CLASP1: variants seen among roughly 807,000 people sequenced by gnomAD.
CLASP1 encodes CLIP-associating protein 1.
CLASP1 carries 38 observed loss-of-function variants against 192.3 expected under a neutral mutation model. The ratio of observed to expected loss-of-function variants is 0.20; its 90% confidence interval spans 0.15 to 0.26. The LOEUF is 0.26. Ranked by LOEUF, CLASP1 falls within the 10% of genes least tolerant of loss-of-function variation. The pLI, the probability that CLASP1 is intolerant of heterozygous loss-of-function variation, is 1.00. For missense variants in CLASP1, 1,433 were observed against 1,932.5 expected, an observed-to-expected ratio of 0.74 and a Z score of 4.85; for synonymous variants, 691 against 712.8, an observed-to-expected ratio of 0.97 and a Z score of 0.49.
In CLASP1 at chr2:121,365,443, G is replaced by A. The variant is rs556745501; in HGVS notation, c.3887-159C>T. ...CACCCTCCGCCCTGCTTCGCTGTCC[G>A]GCCTCAGCCTACACACCCTCCACCA... On this transcript the variant is annotated intron_variant, in intron 35 of 39. Coordinates refer to ENST00000263710, the Ensembl canonical transcript of CLASP1. Among the ~76,000 whole-genome samples, 4 of 152,172 alleles carry A rather than the reference G, an allele frequency of 2.6e-5. 1 individual carries two copies. Among genetic ancestry groups the A allele is most frequent in the East Asian group, 1.9e-4 (1 of 5,172 alleles).
intron 36 of CLASP1, among the ~76,000 whole-genome samples, 166 bp from the exon 38 acceptor site, chr2:121,363,466 C>T (rs2066791298): frequency 6.6e-6 from 1 of 152,172 alleles, no homozygotes; most frequent in African/African-American, 2.4e-5. Context: ...CTTTACTTGA[C>T]ACTGGCTCTC....
chr2:121,470,153 A>G, intron 8 of CLASP1, 193 bp from the exon 9 acceptor site: 3 of 654,542 alleles, frequency 4.6e-6, no homozygotes, highest in Non-Finnish European at 8.2e-6. Context: ...CAAAGATCAT[A>G]CTTGCTTTCA....
chr2:121,608,749 A>G (rs1449244848), intron 1 of CLASP1, among the ~76,000 whole-genome samples: 1 of 152,204 alleles, frequency 6.6e-6, no homozygotes, highest in Non-Finnish European at 1.5e-5. Context: ...TTACAGAGCA[A>G]TAGATAACTG....
intron 9 of CLASP1, among the ~76,000 whole-genome samples, chr2:121,469,114 A>G (rs573665248): frequency 3.2e-4 from 48 of 152,250 alleles, no homozygotes; most frequent in Non-Finnish European, 5.6e-4. Flanking sequence ...AGCTTTCTAC[A>G]GATTGTCTTT....
chr2:121,519,149 T>C (rs2094399010), intron 6 of CLASP1, among the ~76,000 whole-genome samples: 1 of 152,240 alleles, frequency 6.6e-6, no homozygotes, highest in African/African-American at 2.4e-5. Flanking sequence ...CTTGGCCATT[T>C]AGGGAGCTGT....
intron 35 of CLASP1, 142 bp from the exon 37 acceptor site, chr2:121,365,426 G>A (rs1247531031): frequency 1.0e-5 from 8 of 766,446 alleles, no homozygotes; most frequent in South Asian, 8.4e-5. Context: ...CCCACCCTCC[G>A]CCCTGCTTCG....
At chr2:121,465,341 T>C (rs532619130) in intron 9 of CLASP1, among the ~76,000 whole-genome samples, 1 of 152,198 alleles carries the variant, frequency 6.6e-6, no homozygotes, top group South Asian at 2.1e-4. Context: ...ACAAAATCAA[T>C]GTACAAAAAT....
chr2:121,513,432 ATTTTTT>A (rs1245331403), intron 7 of CLASP1, among the ~76,000 whole-genome samples: 5 of 147,120 alleles, frequency 3.4e-5, no homozygotes, highest in African/African-American at 1.2e-4. Context: ...TTTTTATTTT[ATTTTTT>A]TTTTTTAAAG....
At chr2:121,570,127 C>A (rs970216801) in intron 2 of CLASP1, among the ~76,000 whole-genome samples, 1 of 152,238 alleles carries the variant, frequency 6.6e-6, no homozygotes, top group Admixed American at 6.5e-5. Context: ...TATGCACTCA[C>A]TTCTTTCCAA....
intron 2 of CLASP1, among the ~76,000 whole-genome samples, chr2:121,601,492 G>A (rs548933383): frequency 7.7e-4 from 117 of 152,094 alleles, no homozygotes; most frequent in Non-Finnish European, 1.3e-3. Flanking sequence ...GGCTAATCTC[G>A]AACTCCTGAC....
At chr2:121,357,694 C>A (rs2065668648) in intron 37 of CLASP1, among the ~76,000 whole-genome samples, 1 of 152,184 alleles carries the variant, frequency 6.6e-6, no homozygotes, top group African/African-American at 2.4e-5. Flanking sequence ...AGCTGCCACT[C>A]AGAAATAGAC....
chr2:121,492,803 A>G (rs1156821353), intron 8 of CLASP1, among the ~76,000 whole-genome samples: 1 of 152,200 alleles, frequency 6.6e-6, no homozygotes, highest in Non-Finnish European at 1.5e-5. Context: ...TAGAATGACC[A>G]TGTAATACAG....
At chr2:121,427,288 A>G in intron 21 of CLASP1, 116 bp downstream of exon 21, 2 of 1,282,716 alleles carry the variant, frequency 1.6e-6, no homozygotes, top group Non-Finnish European at 2.1e-6. Context: ...AAAAACGCAG[A>G]AAGATTAACT....
chr2:121,476,578 T>A (rs1304621657), intron 8 of CLASP1, among the ~76,000 whole-genome samples: 1 of 152,228 alleles, frequency 6.6e-6, no homozygotes, highest in African/African-American at 2.4e-5. Flanking sequence ...TCATTGCCTA[T>A]CTGCCAGGAA....
At chr2:121,530,965 T>TCAACTA in intron 2 of CLASP1, 1 of 700,432 alleles carries the variant, frequency 1.4e-6, no homozygotes, top group Non-Finnish European at 2.6e-6. Context: ...CACACCCGCA[T>TCAACTA]CAACTAGAGC....
chr2:121,343,281 GC>G (rs1381450257), intron 39 of CLASP1, among the ~76,000 whole-genome samples: 1 of 152,188 alleles, frequency 6.6e-6, no homozygotes, highest in Non-Finnish European at 1.5e-5. Context: ...GAACCCTTGT[GC>G]ACTGTTGGTC....
rs140344072 is a variant in CLASP1 at position 121,378,642 on chromosome 2, A to C, written c.3492-993T>G. Among the ~76,000 whole-genome samples, 316 of 152,300 alleles carry C rather than the reference A, an allele frequency of 2.1e-3. 1 individual carries two copies. Among genetic ancestry groups the C allele is most frequent in the African/African-American group, 7.3e-3 (303 of 41,558 alleles). Reference sequence around the variant, plus strand: ...CAACAGTCAACCAAGGGCAAGTTAAAAAAAAATCTTAGTTTAAATGTCACT... The same window carrying C: ...CAACAGTCAACCAAGGGCAAGTTAACAAAAAATCTTAGTTTAAATGTCACT... On this transcript the variant is annotated intron_variant, in intron 33 of 39. Coordinates refer to ENST00000263710, the Ensembl canonical transcript of CLASP1.
intron 5 of CLASP1, 136 bp downstream of exon 5, chr2:121,527,663 G>A: frequency 1.5e-6 from 1 of 654,100 alleles, no homozygotes; most frequent in South Asian, 1.9e-5. Flanking sequence ...GCTAACACTG[G>A]GCAAGGGTGG....
intron 1 of CLASP1, among the ~76,000 whole-genome samples, chr2:121,619,295 T>G (rs1453929907): frequency 3.3e-5 from 5 of 152,222 alleles, no homozygotes; most frequent in African/African-American, 9.6e-5. Flanking sequence ...TTTCCTGTGT[T>G]TTCCAAATTT....
Sources: gnomAD v4.1 joint callset for allele counts (sites outside exome capture counted in the v4.1 genomes callset) on GRCh38, gnomAD v4.1.1 for gene constraint, MANE v1.5 for transcripts, NCBI Gene and HGNC (gene_info 2026-07-23, HGNC 2026-07-21) for gene names.